The following EIF2A variants were observed in gnomAD, a reference collection of about 807,000 sequenced individuals.
EIF2A encodes the protein 65 kDa eukaryotic translation initiation factor 2A.
EIF2A carries 62 observed loss-of-function variants against 75.2 expected under a neutral mutation model. That is an observed-to-expected ratio of 0.82 (90% CI 0.67 to 1.02). The LOEUF is 1.02. EIF2A is among the 50% of genes least tolerant of loss of function. The probability of loss-of-function intolerance (pLI) is 0.00; values close to 1 mark genes in which losing one functional copy is unlikely to be tolerated. For synonymous variants in EIF2A, 207 were observed against 239.0 expected, an observed-to-expected ratio of 0.87 and a Z score of 1.23; for missense variants, 611 against 677.7, an observed-to-expected ratio of 0.90 and a Z score of 1.09.
At chr3:150,560,233 A>G (rs1403157417) in intron 3 of EIF2A, among the ~76,000 whole-genome samples, 3 of 151,990 alleles carry the variant, frequency 2.0e-5, no homozygotes, top group East Asian at 1.9e-4. Context: ...GATATCTTCT[A>G]TATTAAGTTC....
chr3:150,574,433 G>A (rs997713023), intron 10 of EIF2A, among the ~76,000 whole-genome samples: 2 of 151,848 alleles, frequency 1.3e-5, no homozygotes, highest in South Asian at 2.1e-4. Context: ...GAAACTTTTC[G>A]GCCAAAGTAA....
intron 2 of EIF2A, among the ~76,000 whole-genome samples, 167 bp from the exon 3 acceptor site, chr3:150,558,221 A>G (rs1317091975): frequency 1.3e-5 from 2 of 152,200 alleles, no homozygotes; most frequent in Admixed American, 1.3e-4. Flanking sequence ...CAGTGATAGC[A>G]TTGCATTTTA....
rs529431484 is a variant in EIF2A at position 150,562,345 on chromosome 3, C to T, written c.174-197C>T. Among the ~76,000 whole-genome samples, 18 of 151,436 alleles carry T rather than the reference C, an allele frequency of 1.2e-4. No individual in the cohort carries two copies. The East Asian group carries it at 2.6e-3, about 21-fold the overall frequency. ...GCTGAGGCAGGAGAATGGCATGAAC[C>T]GGGGAGGTGGAGCTTGCAGTGAGCC... On this transcript the variant is annotated intron_variant, in intron 3 of 13. Transcript: ENST00000460851.
At chr3:150,568,464 A>G (rs1724315786) in intron 9 of EIF2A, among the ~76,000 whole-genome samples, 172 bp downstream of exon 9, 1 of 152,192 alleles carries the variant, frequency 6.6e-6, no homozygotes, top group Admixed American at 6.5e-5. Context: ...CCTCCAACAT[A>G]CCTTATTTTG....
chr3:150,559,278 G>C (rs1280497542), intron 3 of EIF2A, among the ~76,000 whole-genome samples: 1 of 152,178 alleles, frequency 6.6e-6, no homozygotes, highest in African/African-American at 2.4e-5. Context: ...AGAACATGTT[G>C]AATTAGTTGA....
chr3:150,564,768 A>G (rs1365262049), intron 6 of EIF2A: 1 of 178,844 alleles, frequency 5.6e-6, no homozygotes, highest in Non-Finnish European at 1.2e-5. Context: ...TCCAGCTACC[A>G]TCTCTTACTA....
Position 150,558,418 on chromosome 3 carries a change from CT to C in EIF2A, c.132del (p.Phe44LeufsTer16). The C allele has an allele frequency of 6.6e-7, 1 of 1,522,766 alleles. No homozygotes were observed. The highest frequency in any genetic ancestry group is 8.7e-7 in the Non-Finnish European group (1 of 1,144,006). The allele number at this position is 1,522,766 out of a possible 1,614,324, so 94.3% of individuals were successfully genotyped here. A position where few individuals can be genotyped will look rare whatever the true frequency, so the allele number is the denominator to read the frequency against. On this transcript the variant is annotated frameshift_variant, in exon 3 of 14. Transcript: ENST00000460851. LOFTEE classifies it high-confidence loss of function. ...ESGKNCKVCI[F>X]SKDGTLFAWG... is the part of the protein sequence containing the mutation. ...CTGGGAAGAATTGCAAAGTCTGTAT[CT>C]TTAGTAAGGATGGGACCTTGTTTGC...
intron 5 of EIF2A, 110 bp downstream of exon 5, chr3:150,563,724 A>G (rs2107926309): frequency 1.1e-6 from 1 of 905,892 alleles, no homozygotes; most frequent in East Asian, 3.0e-5. Context: ...TCAGACAAAA[A>G]TCTACATTTT....
intron 10 of EIF2A, among the ~76,000 whole-genome samples, chr3:150,574,778 A>C (rs1034635109): frequency 3.9e-5 from 6 of 152,250 alleles, no homozygotes; most frequent in African/African-American, 1.2e-4. Context: ...TATAAGTAAA[A>C]TGCGGATCTG....
At chr3:150,583,351 A>G (rs1475711534) in intron 13 of EIF2A, 86 bp downstream of exon 13, 14 of 1,294,092 alleles carry the variant, frequency 1.1e-5, no homozygotes, top group Non-Finnish European at 1.5e-5. Context: ...CAGGTAAAAG[A>G]GCACATGGAG....
intron 10 of EIF2A, among the ~76,000 whole-genome samples, chr3:150,573,646 A>T (rs1258642814): frequency 6.6e-6 from 1 of 152,130 alleles, no homozygotes; most frequent in Non-Finnish European, 1.5e-5. Context: ...TTTTAGTTGA[A>T]GTAGCTATAT....
chr3:150,576,247 G>T (rs761975364), intron 11 of EIF2A, among the ~76,000 whole-genome samples: 5 of 152,078 alleles, frequency 3.3e-5, no homozygotes, highest in Non-Finnish European at 7.4e-5. Context: ...AGACCAGCCT[G>T]GGCAACATAG....
chr3:150,557,326 C>T (rs1279973864), intron 2 of EIF2A, among the ~76,000 whole-genome samples: 1 of 152,156 alleles, frequency 6.6e-6, no homozygotes, highest in Non-Finnish European at 1.5e-5. Flanking sequence ...CCGTAAGGTT[C>T]AGAAATGAGT....
chr3:150,547,971 A>G (rs1425306086), intron 1 of EIF2A, among the ~76,000 whole-genome samples: 2 of 152,210 alleles, frequency 1.3e-5, no homozygotes, highest in Admixed American at 1.3e-4. Context: ...AACTCTAATG[A>G]AAAAATTACA....
At chr3:150,577,884 T>C (rs1203130772) in intron 11 of EIF2A, among the ~76,000 whole-genome samples, 4 of 152,204 alleles carry the variant, frequency 2.6e-5, no homozygotes, top group Admixed American at 2.0e-4. Flanking sequence ...ATCTGGACTT[T>C]TAGAAAAACC....
At chr3:150,578,278 A>G (rs1724981068) in intron 11 of EIF2A, among the ~76,000 whole-genome samples, 1 of 148,840 alleles carries the variant, frequency 6.7e-6, no homozygotes, top group Admixed American at 6.7e-5. Flanking sequence ...ATAATTACAT[A>G]TGATTATAAT....
chr3:150,569,083 CAG>C (rs1359284940), intron 9 of EIF2A, among the ~76,000 whole-genome samples: 1 of 152,054 alleles, frequency 6.6e-6, no homozygotes, highest in Non-Finnish European at 1.5e-5. Flanking sequence ...CCATTGAAGT[CAG>C]AGAAAAAACA....
At chr3:150,558,727 A>G (rs966700310) in intron 3 of EIF2A, 7 of 204,714 alleles carry the variant, frequency 3.4e-5, no homozygotes, top group Non-Finnish European at 6.7e-5. Context: ...AGTTGTTTTA[A>G]ACAGTGCTCT....
chr3:150,560,326 G>C (rs1231592452), intron 3 of EIF2A, among the ~76,000 whole-genome samples: 1 of 152,156 alleles, frequency 6.6e-6, no homozygotes, highest in Non-Finnish European at 1.5e-5. Flanking sequence ...TGTATTGATT[G>C]TGGTCTTTGT....
Sources: gnomAD v4.1 joint callset for allele counts (sites outside exome capture counted in the v4.1 genomes callset) on GRCh38, gnomAD v4.1.1 for gene constraint, MANE v1.5 for transcripts, NCBI Gene and HGNC (gene_info 2026-07-23, HGNC 2026-07-21) for gene names.